Variants in DOCK2 observed in about 807,000 individuals in gnomAD.
The protein encoded by DOCK2 is dedicator of cytokinesis protein 2.
In DOCK2, 87 loss-of-function variants were observed where a neutral mutation model predicts 248.9. That is an observed-to-expected ratio of 0.35 (90% CI 0.29 to 0.42). The LOEUF is 0.42. Among genes scored for constraint, DOCK2 ranks in the 10% least tolerant of loss-of-function variants. The probability of loss-of-function intolerance (pLI) is 1.00; values close to 1 mark genes in which losing one functional copy is unlikely to be tolerated. For missense variants in DOCK2, 1,747 were observed against 2,300.2 expected (o/e 0.76, Z 4.92); for synonymous variants, 805 against 821.6 (o/e 0.98, Z 0.35).
chr5:169,858,603 A>G (rs1771016688), intron 27 of DOCK2, among the ~76,000 whole-genome samples: 3 of 152,208 alleles, frequency 2.0e-5, no homozygotes, highest in South Asian at 2.1e-4. Context: ...CTTACTTCCT[A>G]AGTATATTGG....
chr5:169,717,581 T>A, intron 21 of DOCK2, 97 bp downstream of exon 21: 1 of 1,102,356 alleles, frequency 9.1e-7, no homozygotes, highest in Non-Finnish European at 1.4e-6. Flanking sequence ...CTTTTGTGAC[T>A]CATCTGTGTG....
intron 27 of DOCK2, among the ~76,000 whole-genome samples, chr5:169,942,303 T>C (rs1399803069): frequency 2.6e-5 from 4 of 152,182 alleles, no homozygotes; most frequent in African/African-American, 9.7e-5. Flanking sequence ...CTCTGAATCA[T>C]GAAGTGGATC....
In DOCK2 at chr5:170,041,049, A is replaced by C; in HGVS notation, c.3666-6A>C. 6.2e-7 allele frequency: 1 copy of C among 1,612,892 alleles called. No individual in the cohort carries two copies. The highest frequency in any genetic ancestry group is 8.5e-7 in the Non-Finnish European group (1 of 1,179,540). On this transcript the variant is annotated splice_polypyrimidine_tract_variant and splice_region_variant and intron_variant, in intron 36 of 51. Coordinates refer to ENST00000520908, the MANE Select transcript of DOCK2 (RefSeq NM_004946.3). Reference sequence around the variant, plus strand: ...GGTAGCTTACTGCATATTTTCCCTCAAACAGGTACCTGTACAAACTCCGCG... The same window carrying C: ...GGTAGCTTACTGCATATTTTCCCTCCAACAGGTACCTGTACAAACTCCGCG...
chr5:169,679,298 T>C (rs957108767), intron 6 of DOCK2, among the ~76,000 whole-genome samples: 1 of 152,212 alleles, frequency 6.6e-6, no homozygotes, highest in African/African-American at 2.4e-5. Flanking sequence ...TATCACTTCC[T>C]TGAACAGAAG....
intron 2 of DOCK2, among the ~76,000 whole-genome samples, chr5:169,668,236 C>T (rs956144657): frequency 6.6e-6 from 1 of 152,100 alleles, no homozygotes; most frequent in African/African-American, 2.4e-5. Context: ...ATTTTTATTT[C>T]CCACCTGAGA....
chr5:169,903,998 C>T (rs545826588), intron 27 of DOCK2, among the ~76,000 whole-genome samples: 19 of 148,176 alleles, frequency 1.3e-4, no homozygotes, highest in Non-Finnish European at 2.7e-4. Flanking sequence ...AGGGCTGAGG[C>T]ATGAGAATTG....
At chr5:170,022,231 G>T (rs1755754842) in intron 33 of DOCK2, among the ~76,000 whole-genome samples, 1 of 152,188 alleles carries the variant, frequency 6.6e-6, no homozygotes, top group Non-Finnish European at 1.5e-5. Context: ...GCCTCCTGGG[G>T]CAGTGGTTCA....
chr5:170,076,273 CCAGA>C (rs1338322184), intron 47 of DOCK2, among the ~76,000 whole-genome samples, 189 bp downstream of exon 47: 1 of 152,104 alleles, frequency 6.6e-6, no homozygotes, highest in African/African-American at 2.4e-5. Flanking sequence ...AAAGTAACCC[CCAGA>C]CAAACTCCAG....
chr5:169,756,811 G>T (rs910905184), intron 23 of DOCK2, among the ~76,000 whole-genome samples: 1 of 152,018 alleles, frequency 6.6e-6, no homozygotes, highest in South Asian at 2.1e-4. Flanking sequence ...TGTAATCCCA[G>T]CTACTCAGGA....
intron 29 of DOCK2, among the ~76,000 whole-genome samples, chr5:169,990,360 A>T (rs1183071288): frequency 6.6e-6 from 1 of 151,996 alleles, no homozygotes; most frequent in African/African-American, 2.4e-5. Context: ...CAGCCTCCCA[A>T]AGTGCTGGGA....
chr5:170,018,238 G>A (rs545955901), intron 32 of DOCK2, among the ~76,000 whole-genome samples: 1 of 152,332 alleles, frequency 6.6e-6, no homozygotes, highest in South Asian at 2.1e-4. Context: ...CCATCTGGGG[G>A]AGGCTGCGTG....
At chr5:170,077,951 G>A in intron 48 of DOCK2, 114 bp downstream of exon 48, 1 of 894,980 alleles carries the variant, frequency 1.1e-6, no homozygotes, top group Non-Finnish European at 1.7e-6. Flanking sequence ...CCTCCTTTCA[G>A]TTTAAAAGCC....
chr5:170,043,660 A>T (rs1224499241), intron 38 of DOCK2, among the ~76,000 whole-genome samples: 1 of 152,162 alleles, frequency 6.6e-6, no homozygotes, highest in Non-Finnish European at 1.5e-5. Context: ...CTGTTTTCAT[A>T]ATTTACAATT....
chr5:169,780,370 C>T lies in DOCK2; in HGVS notation c.2554+18745C>T, dbSNP rs142958506. 5.0e-3 allele frequency among the ~76,000 whole-genome samples: 760 copies of T among 150,922 alleles called. 8 individuals carry two copies. Among genetic ancestry groups the T allele is most frequent in the African/African-American group, 0.017 (686 of 41,068 alleles). On this transcript the variant is annotated intron_variant, in intron 25 of 51. Transcript: ENST00000520908. The stretch of plus-strand genomic sequence containing the variant: ...TCGTTCTAACACACCTTCCAAAATG[C>T]ATGGGAAAGTTGTCAACTTCTTTTC...
intron 33 of DOCK2, among the ~76,000 whole-genome samples, chr5:170,022,015 G>C (rs1262302087): frequency 1.2e-4 from 19 of 152,194 alleles, no homozygotes; most frequent in Non-Finnish European, 2.8e-4. Flanking sequence ...TCTAAAATGT[G>C]GGTTGCTTAA....
chr5:169,746,157 G>T (rs1763599521), intron 22 of DOCK2, among the ~76,000 whole-genome samples: 1 of 152,122 alleles, frequency 6.6e-6, no homozygotes, highest in Non-Finnish European at 1.5e-5. Context: ...GAGTGACTAA[G>T]ACAGAAAGAG....
intron 27 of DOCK2, among the ~76,000 whole-genome samples, chr5:169,969,032 C>T (rs78748738): frequency 0.025 from 3,862 of 152,198 alleles, 162 homozygotes; most frequent in African/African-American, 0.087. Context: ...TGCCTATGGT[C>T]GCAGCTTCTC....
intron 26 of DOCK2, among the ~76,000 whole-genome samples, chr5:169,833,808 G>T (rs1769387356): frequency 6.6e-6 from 1 of 152,198 alleles, no homozygotes; most frequent in Admixed American, 6.5e-5. Flanking sequence ...CACACATCAT[G>T]CAGGGATCAG....
chr5:169,756,565 G>A (rs886335866), intron 23 of DOCK2, among the ~76,000 whole-genome samples: 1 of 152,154 alleles, frequency 6.6e-6, no homozygotes, highest in Non-Finnish European at 1.5e-5. Context: ...GCTGGGTGGA[G>A]AGCTCAGGGC....
Sources: gnomAD v4.1 joint callset for allele counts (sites outside exome capture counted in the v4.1 genomes callset) on GRCh38, gnomAD v4.1.1 for gene constraint, MANE v1.5 for transcripts, NCBI Gene and HGNC (gene_info 2026-07-23, HGNC 2026-07-21) for gene names.